PPP3CB: variants seen among roughly 807,000 people sequenced by gnomAD.
PPP3CB encodes the protein serine/threonine-protein phosphatase 2B catalytic subunit beta isoform.
Under a neutral mutation model 66.4 loss-of-function variants are expected in PPP3CB, and 8 were observed. That is an observed-to-expected ratio of 0.12 (90% CI 0.07 to 0.22). The LOEUF (loss-of-function observed/expected upper bound fraction) is 0.22, where lower values mean the gene tolerates loss of function less well. PPP3CB is among the 10% of genes least tolerant of loss of function. PPP3CB has a pLI of 1.00. For synonymous variants in PPP3CB, 208 were observed against 221.2 expected (o/e 0.94, Z 0.53); for missense variants, 319 against 642.5 (o/e 0.50, Z 5.44).
At chr10:73,487,526 C>A (rs1347081667) in intron 1 of PPP3CB, among the ~76,000 whole-genome samples, 4 of 109,156 alleles carry the variant, frequency 3.7e-5, no homozygotes, top group Admixed American at 1.4e-4. Context: ...CCAGCCAGGG[C>A]AACAGAGTGA....
chr10:73,482,616 C>CTATT (rs1014053227), intron 1 of PPP3CB, among the ~76,000 whole-genome samples: 2 of 148,760 alleles, frequency 1.3e-5, no homozygotes, highest in East Asian at 4.1e-4. Flanking sequence ...TGAATATTTC[C>CTATT]TATTTATTTA....
chr10:73,470,848 T>C (rs2056690986), intron 7 of PPP3CB, 39 bp downstream of exon 7: 1 of 1,592,332 alleles, frequency 6.3e-7, no homozygotes, highest in East Asian at 2.2e-5. Context: ...TGATTTATAT[T>C]TTAGGTGTTA....
chr10:73,470,194 AAAAGCTC>A (rs72090526), intron 8 of PPP3CB, among the ~76,000 whole-genome samples: 10,938 of 152,216 alleles, frequency 0.072, 611 homozygotes, highest in East Asian at 0.29. Context: ...TTAATTAAAA[AAAAGCTC>A]AAATACAAAT....
chr10:73,474,689 CT>C (rs1203035994), intron 4 of PPP3CB, among the ~76,000 whole-genome samples: 2 of 152,040 alleles, frequency 1.3e-5, no homozygotes, highest in African/African-American at 4.8e-5. Context: ...ATCCCCCTGC[CT>C]GGGCCTCCCA....
chr10:73,489,483 G>C (rs898171380), intron 1 of PPP3CB, among the ~76,000 whole-genome samples: 2 of 151,990 alleles, frequency 1.3e-5, no homozygotes, highest in South Asian at 4.2e-4. Context: ...GCCAGGAACT[G>C]TGGTACCTAC....
At chr10:73,477,081 A>C in intron 3 of PPP3CB, 1 of 497,442 alleles carries the variant, frequency 2.0e-6, no homozygotes. Context: ...TTTACTAATA[A>C]TACCTTGGGC....
intron 2 of PPP3CB, 43 bp from the exon 3 acceptor site, chr10:73,478,666 A>G (rs1391276225): frequency 6.4e-7 from 1 of 1,567,850 alleles, no homozygotes; most frequent in African/African-American, 1.4e-5. Context: ...AAATCTCTAA[A>G]ACAACAAATT....
At chr10:73,480,381 T>A (rs533279194) in intron 1 of PPP3CB, among the ~76,000 whole-genome samples, 74 of 152,042 alleles carry the variant, frequency 4.9e-4, no homozygotes, top group Non-Finnish European at 1.0e-3. Context: ...CTAAACTGTT[T>A]GAGATACAGC....
At chr10:73,474,106 G>C in intron 4 of PPP3CB, among the ~76,000 whole-genome samples, 1 of 151,986 alleles carries the variant, frequency 6.6e-6, no homozygotes, top group East Asian at 1.9e-4. Flanking sequence ...ACAATGGCGC[G>C]ATCTCGGCTC....
rs1026496526 is a variant in PPP3CB, at chr10:73,479,502, G to A, written c.101C>T (p.Pro34Leu). ...DRVVKAVPFPPTHRLTSEEVF... is the reference protein window; with the variant it reads ...DRVVKAVPFPLTHRLTSEEVF... ...TTCTTCAGATGTCAAGCGATGTGTT[G>A]GGGGGAAAGGGACAGCTGCAAATGT... Residue 34 changes from proline (P) to leucine (L), a missense_variant, in exon 2 of 14, where the codon CCA (proline) becomes CTA (leucine). Physicochemically the swap from Pro to Leu is moderately conservative, Grantham distance 98. This residue lies in a region of PPP3CB where 104 missense variants were observed against 128.4 expected (regional missense o/e 0.81). Coordinates refer to ENST00000360663, the MANE Select transcript of PPP3CB (RefSeq NM_021132.4). 3 of 1,613,628 alleles carry A rather than the reference G, an allele frequency of 1.9e-6. No homozygotes were observed. The highest frequency in any genetic ancestry group is 2.5e-6 in the Non-Finnish European group (3 of 1,179,750).
intron 11 of PPP3CB, among the ~76,000 whole-genome samples, chr10:73,445,979 C>T (rs182939922): frequency 2.4e-3 from 368 of 150,760 alleles, no homozygotes; most frequent in African/African-American, 8.4e-3. Context: ...AATCTCTTGA[C>T]CTCGTGATCC....
intron 10 of PPP3CB, among the ~76,000 whole-genome samples, chr10:73,451,846 CTG>C (rs1044752638): frequency 1.3e-5 from 2 of 150,570 alleles, no homozygotes; most frequent in Non-Finnish European, 3.0e-5. Flanking sequence ...CCTGGGTTCA[CTG>C]TATTCTCCTG....
At chr10:73,460,969 CCACA>C (rs2056511737) in intron 9 of PPP3CB, among the ~76,000 whole-genome samples, 1 of 152,206 alleles carries the variant, frequency 6.6e-6, no homozygotes, top group South Asian at 2.1e-4. Flanking sequence ...GCTGGAGGCC[CCACA>C]CAGACTCCCC....
intron 9 of PPP3CB, among the ~76,000 whole-genome samples, chr10:73,458,809 C>A (rs2056473030): frequency 6.6e-6 from 1 of 151,944 alleles, no homozygotes; most frequent in Non-Finnish European, 1.5e-5. Context: ...GTGGCTCATG[C>A]CTGTAATCCC....
intron 3 of PPP3CB, among the ~76,000 whole-genome samples, chr10:73,476,381 C>T (rs1432972835): frequency 6.6e-6 from 1 of 152,110 alleles, no homozygotes; most frequent in Non-Finnish European, 1.5e-5. Context: ...CTTCGGGAGG[C>T]CGAGGCAGGC....
chr10:73,448,231 C>A (rs938067480), intron 10 of PPP3CB, among the ~76,000 whole-genome samples: 1 of 152,018 alleles, frequency 6.6e-6, no homozygotes, highest in Non-Finnish European at 1.5e-5. Context: ...GTAAACTATA[C>A]TGATATCAAA....
At chr10:73,463,467 T>C (rs2056564825) in intron 9 of PPP3CB, among the ~76,000 whole-genome samples, 1 of 152,210 alleles carries the variant, frequency 6.6e-6, no homozygotes, top group African/African-American at 2.4e-5. Flanking sequence ...CTACTGTCCT[T>C]CATAGATCCT....
intron 1 of PPP3CB, among the ~76,000 whole-genome samples, chr10:73,480,435 C>T (rs1328217006): frequency 6.7e-6 from 1 of 150,158 alleles, no homozygotes. Context: ...AAATTTATCC[C>T]TGTAATTTTT....
intron 11 of PPP3CB, among the ~76,000 whole-genome samples, chr10:73,445,284 A>G (rs759300616): frequency 1.3e-5 from 2 of 152,122 alleles, no homozygotes; most frequent in Non-Finnish European, 1.5e-5. Context: ...AGAATACTCT[A>G]AAAAGTATCC....
Sources: gnomAD v4.1 joint callset for allele counts (sites outside exome capture counted in the v4.1 genomes callset) on GRCh38, gnomAD v4.1.1 for gene constraint, gnomAD v4.1.1 regional missense constraint, MANE v1.5 for transcripts, NCBI Gene and HGNC (gene_info 2026-07-23, HGNC 2026-07-21) for gene names.